Variants in SP140 observed in about 807,000 individuals in gnomAD.
The protein encoded by SP140 is SP140 nuclear body protein.
Under a neutral mutation model 125.0 loss-of-function variants are expected in SP140, and 81 were observed. The ratio of observed to expected loss-of-function variants is 0.65; its 90% CI spans 0.54 to 0.78. The LOEUF is 0.78. SP140 is among the 30% of genes least tolerant of loss of function. The pLI is 0.00. For missense variants in SP140, 858 were observed against 1,037.0 expected (o/e 0.83, Z 2.37); for synonymous variants, 312 against 354.0 (o/e 0.88, Z 1.33).
At chr2:230,316,403 A>G (rs2059483812), downstream of SP140, among the ~76,000 whole-genome samples, 1 of 152,178 alleles carries the variant, frequency 6.6e-6, no homozygotes, top group Non-Finnish European at 1.5e-5. Context: ...ACCATGGTTG[A>G]CATTCTGATG....
At chr2:230,314,979 G>A (rs1056804726), downstream of SP140, among the ~76,000 whole-genome samples, 7 of 152,206 alleles carry the variant, frequency 4.6e-5, no homozygotes, top group Non-Finnish European at 2.9e-5. Flanking sequence ...TTCCCTAAGG[G>A]GCATGAATGT....
At chr2:230,296,593 C>G (rs1384449789) in intron 21 of SP140, among the ~76,000 whole-genome samples, 1 of 152,164 alleles carries the variant, frequency 6.6e-6, no homozygotes, top group Non-Finnish European at 1.5e-5. Flanking sequence ...CACAGAGGAC[C>G]TTGGAGGCAT....
intron 3 of SP140, among the ~76,000 whole-genome samples, chr2:230,217,914 G>A (rs2045402373): frequency 6.6e-6 from 1 of 152,136 alleles, no homozygotes; most frequent in Non-Finnish European, 1.5e-5. Context: ...ACACAAATGG[G>A]CCAAGCATAA....
At chr2:230,238,138 T>G in intron 2 of SP140, 75 bp from the exon 3 acceptor site, 1 of 1,012,690 alleles carries the variant, frequency 9.9e-7, no homozygotes, top group Non-Finnish European at 1.5e-6. Flanking sequence ...AGAACAGATG[T>G]TCTATCTACA....
In SP140 at chr2:230,244,988, G is replaced by A; in HGVS notation, c.572G>A (p.Gly191Asp). The A allele has an allele frequency of 3.1e-6, 5 of 1,610,396 alleles. No homozygotes were observed. Among genetic ancestry groups the A allele is most frequent in the Non-Finnish European group, 4.2e-6 (5 of 1,177,488 alleles). ...ALSSSPRCEP[G>D]FSSESCEQLA... ...ATCACTGTGCCTTGTTTATTTCCAG[G>A]TTTCTCTTCAGAGTCTTGTGAGCAG... The change falls in exon 6 of 27, where the codon GGT becomes GAT. Residue 191 changes from glycine (G) to aspartate (D), a missense_variant and splice_region_variant. This residue lies in a region of SP140 where 791 missense variants were observed against 869.5 expected (regional missense o/e 0.91). Transcript: ENST00000392045.
At chr2:230,212,232 T>C (rs2044568256) in intron 1 of SP140, 1 of 778,192 alleles carries the variant, frequency 1.3e-6, no homozygotes, top group African/African-American at 1.7e-5. Context: ...TCTTTTCCTT[T>C]GTATTGCTCA....
Position 230,312,792 on chromosome 2 carries a change from G to C in SP140, c.*108G>C. 1 of 765,798 alleles carries C rather than the reference G, an allele frequency of 1.3e-6. No individual in the cohort carries two copies. 47.4% of individuals were successfully genotyped at this position (765,798 alleles called of 1,614,324 possible). The stretch of plus-strand genomic sequence containing the variant: ...CACTTGGGCACAGCACATGCAGGGA[G>C]GGGCTTTTCTCTGAGCCTCCTTCAT... On this transcript the variant is annotated 3_prime_UTR_variant, in exon 27 of 27. Coordinates refer to ENST00000392045, the MANE Select transcript of SP140 (RefSeq NM_007237.5).
intron 19 of SP140, among the ~76,000 whole-genome samples, chr2:230,292,114 G>A (rs1479105997): frequency 3.3e-5 from 5 of 152,172 alleles, no homozygotes; most frequent in Admixed American, 3.3e-4. Context: ...ACCTGTGATT[G>A]CAGGGATATG....
At chr2:230,218,471 A>T (rs925743711) in intron 3 of SP140, among the ~76,000 whole-genome samples, 5 of 152,214 alleles carry the variant, frequency 3.3e-5, no homozygotes, top group African/African-American at 9.6e-5. Context: ...TATCCACAAT[A>T]TGCACAGGGG....
chr2:230,284,707 A>C (rs1295650982), intron 16 of SP140, among the ~76,000 whole-genome samples: 1 of 152,228 alleles, frequency 6.6e-6, no homozygotes, highest in Non-Finnish European at 1.5e-5. Context: ...CATTCCTAAG[A>C]GGGCTAAATG....
In SP140 at chr2:230,238,201, A is replaced by C; in HGVS notation, c.238-12A>C. The C allele has an allele frequency of 6.3e-7, 1 of 1,576,410 alleles. No individual in the cohort carries two copies. The highest frequency in any genetic ancestry group is 1.1e-5 in the South Asian group (1 of 87,354). On this transcript the variant is annotated splice_polypyrimidine_tract_variant and intron_variant, in intron 2 of 26. Transcript: ENST00000392045. Reference sequence around the variant, plus strand: ...TCTCTAGCTACATAATTCTCCATTTAATATTTTTAAGCATTTTCAAGAAGC... The same window carrying C: ...TCTCTAGCTACATAATTCTCCATTTCATATTTTTAAGCATTTTCAAGAAGC...
chr2:230,196,310 A>T, the SP140 span, among the ~76,000 whole-genome samples: 3 of 152,176 alleles, frequency 2.0e-5, no homozygotes, highest in Admixed American at 1.3e-4. Flanking sequence ...GTCCACTAGT[A>T]GGTGATTATT....
rs779903019 is a variant in SP140, at chr2:230,290,484, CTG to C, written c.1748_1749del (p.Val583GlyfsTer3). ...GCTTCAAGAAAGCACAAAGATGAAACTGTGGATTTTAAGGCTCCTTTGCTTCC... is the reference window on the plus strand; with the variant it reads ...GCTTCAAGAAAGCACAAAGATGAAACTGGATTTTAAGGCTCCTTTGCTTCC... On this transcript the variant is annotated frameshift_variant, in exon 19 of 27. Transcript: ENST00000392045. LOFTEE classifies it high-confidence loss of function. The C allele has an allele frequency of 1.2e-6, 2 of 1,613,718 alleles. No homozygotes were observed. The highest frequency in any genetic ancestry group is 1.7e-6 in the Non-Finnish European group (2 of 1,179,888).
chr2:230,305,547 C>T (rs556536946), intron 22 of SP140, among the ~76,000 whole-genome samples: 2 of 152,362 alleles, frequency 1.3e-5, no homozygotes, highest in South Asian at 2.1e-4. Flanking sequence ...CTCTGGGAGC[C>T]GCTGCAATGG....
chr2:230,260,227 A>C (rs2051996774), intron 12 of SP140, among the ~76,000 whole-genome samples: 1 of 152,088 alleles, frequency 6.6e-6, no homozygotes, highest in African/African-American at 2.4e-5. Context: ...TTCATTGGCC[A>C]TTTGTATATC....
At chr2:230,292,463 A>G (rs1397055506) in intron 19 of SP140, among the ~76,000 whole-genome samples, 183 bp from the exon 20 acceptor site, 1 of 152,198 alleles carries the variant, frequency 6.6e-6, no homozygotes, top group African/African-American at 2.4e-5. Flanking sequence ...CCACCAGGAA[A>G]TATCCTTAGA....
At chr2:230,236,578 C>A (rs1041221177) in intron 1 of SP140, among the ~76,000 whole-genome samples, 19 of 152,190 alleles carry the variant, frequency 1.2e-4, no homozygotes, top group Non-Finnish European at 2.8e-4. Flanking sequence ...CTAGAGGATT[C>A]TTTCTTTCTT....
intron 3 of SP140, among the ~76,000 whole-genome samples, chr2:230,218,366 C>T (rs1489506424): frequency 2.0e-5 from 3 of 152,004 alleles, no homozygotes; most frequent in Non-Finnish European, 4.4e-5. Context: ...AAGAATAATC[C>T]GCAATCGCAT....
intron 1 of SP140, among the ~76,000 whole-genome samples, chr2:230,235,978 G>C (rs1023481243): frequency 7.0e-6 from 1 of 142,432 alleles, no homozygotes; most frequent in African/African-American, 2.6e-5. Flanking sequence ...CTGGGTTCAC[G>C]CCATTCTCCT....
Sources: allele counts gnomAD v4.1 joint callset (sites outside exome capture counted in the v4.1 genomes callset), GRCh38; gene constraint gnomAD v4.1.1; regional missense constraint gnomAD v4.1.1; transcripts MANE v1.5; gene names NCBI Gene and HGNC (gene_info 2026-07-23, HGNC 2026-07-21).